Variants in MGST1 observed in about 807,000 individuals in gnomAD.
The protein encoded by MGST1 is glutathione S-transferase 12.
Under a neutral mutation model 8.9 loss-of-function variants are expected in MGST1, and 5 were observed. The observed-to-expected ratio is 0.56, with a 90% CI of 0.29 to 1.19. The LOEUF is 1.19. MGST1 is among the 50% of genes most tolerant of loss of function. MGST1 has a pLI of 0.08. For missense variants in MGST1, 182 were observed against 187.4 expected (o/e 0.97, Z 0.17); for synonymous variants, 54 against 67.8 (o/e 0.80, Z 1.00).
intron 4 of MGST1, among the ~76,000 whole-genome samples, chr12:16,459,915 G>A (rs1941206126): frequency 6.6e-6 from 1 of 152,084 alleles, no homozygotes; most frequent in African/African-American, 2.4e-5. Context: ...CCCACATAGA[G>A]ATATGGAAAA....
rs760593839 is a variant in MGST1 at position 16,503,702 on chromosome 12, G to C, written n.483-85826G>C. ...CTTTCCATAAGACATGTCCAACAGTGTGCCGGGTCAGTTTATCATTGCCGT... is the reference window on the plus strand; with the variant it reads ...CTTTCCATAAGACATGTCCAACAGTCTGCCGGGTCAGTTTATCATTGCCGT... On this transcript the variant is annotated intron_variant and non_coding_transcript_variant, in intron 4 of 4. Coordinates refer to the MGST1 transcript ENST00000538857. This position sits in a 1 kb window ranked among gnomAD's most constrained non-coding sequence, Gnocchi z 4.8. 1.3e-5 allele frequency among the ~76,000 whole-genome samples: 2 copies of C among 152,148 alleles called. No individual in the cohort carries two copies. The highest frequency in any genetic ancestry group is 2.9e-5 in the Non-Finnish European group (2 of 68,030).
In MGST1 at chr12:16,537,769, G is replaced by A. The variant is rs1941764433; in HGVS notation, n.483-51759G>A. ...AACAGCTGGAGCAGCTGGGATGCAG[G>A]GCACCAAGTCCCTAGGCTGCACACA... On this transcript the variant is annotated intron_variant and non_coding_transcript_variant, in intron 4 of 4. Coordinates refer to the MGST1 transcript ENST00000538857. The surrounding 1 kb of genome is among the most constrained non-coding windows in gnomAD (Gnocchi z 4.6). 6.6e-6 allele frequency among the ~76,000 whole-genome samples: 1 copy of A among 152,182 alleles called. No individual in the cohort carries two copies. Among genetic ancestry groups the A allele is most frequent in the African/African-American group, 2.4e-5 (1 of 41,446 alleles).
At chr12:16,542,183 A>G (rs951566903) in intron 4 of MGST1, among the ~76,000 whole-genome samples, 8 of 152,226 alleles carry the variant, frequency 5.3e-5, no homozygotes, top group African/African-American at 1.9e-4. Flanking sequence ...ATTAATTTTC[A>G]TCAATTAAAA....
rs765632006 is a variant in MGST1 at position 16,544,038 on chromosome 12, C to A, written n.483-45490C>A. On this transcript the variant is annotated intron_variant and non_coding_transcript_variant, in intron 4 of 4. Coordinates refer to the MGST1 transcript ENST00000538857. This position sits in a 1 kb window ranked among gnomAD's most constrained non-coding sequence, Gnocchi z 4.8. The stretch of plus-strand genomic sequence containing the variant: ...TGTAAGCAGGTGATTTCTTATACTG[C>A]TGCTTTATACACATTTGTTTGGTCG... Among the ~76,000 whole-genome samples, 1 of 152,060 alleles carries A rather than the reference C, an allele frequency of 6.6e-6. No individual in the cohort carries two copies. Among genetic ancestry groups the A allele is most frequent in the Non-Finnish European group, 1.5e-5 (1 of 67,980 alleles).
chr12:16,487,694 C>A (rs1941408952), intron 4 of MGST1, among the ~76,000 whole-genome samples: 1 of 152,126 alleles, frequency 6.6e-6, no homozygotes, highest in African/African-American at 2.4e-5. Flanking sequence ...GTTGCCCAGG[C>A]TGGAGGGCAG....
rs4149218 is a variant in MGST1 at position 16,362,380 on chromosome 12, G to GTGAGATGTTGTGGCTCACA, written c.222-1414_222-1413insGAGATGTTGTGGCTCACAT. ...GCTGCTGTCCTCTTCATGTCTCTAT[G>GTGAGATGTTGTGGCTCACA]TAGTCATCCTCTTTGTGAGACAAGC... is the stretch of plus-strand genomic sequence containing the variant. On this transcript the variant is annotated intron_variant, in intron 3 of 3. Coordinates refer to ENST00000396210, the MANE Select transcript of MGST1 (RefSeq NM_020300.5). This position sits in a 1 kb window ranked among gnomAD's most constrained non-coding sequence, Gnocchi z 4.4. Among the ~76,000 whole-genome samples, 44,516 of 151,722 alleles carry GTGAGATGTTGTGGCTCACA rather than the reference G, an allele frequency of 0.29. 7,344 individuals are homozygous for GTGAGATGTTGTGGCTCACA. The highest frequency in any genetic ancestry group is 0.66 in the East Asian group (3,375 of 5,112).
chr12:16,377,842 C>G (rs1940405534), downstream of MGST1, among the ~76,000 whole-genome samples: 1 of 150,780 alleles, frequency 6.6e-6, no homozygotes, highest in Non-Finnish European at 1.5e-5. Flanking sequence ...GCCATTCTAA[C>G]TGGTGTGAGA....
chr12:16,494,614 C>G (rs1941458734), intron 4 of MGST1, among the ~76,000 whole-genome samples: 1 of 152,110 alleles, frequency 6.6e-6, no homozygotes, highest in African/African-American at 2.4e-5. Flanking sequence ...CTATGATTGT[C>G]TCCACAGTTC....
At chr12:16,358,459 C>A (rs879624700) in intron 3 of MGST1, among the ~76,000 whole-genome samples, 24 of 151,532 alleles carry the variant, frequency 1.6e-4, no homozygotes, top group Non-Finnish European at 3.1e-4. Flanking sequence ...CTGCAAAGGA[C>A]ATGATTTCAT....
intron 4 of MGST1, among the ~76,000 whole-genome samples, chr12:16,525,976 C>T (rs1171098440): frequency 6.7e-6 from 1 of 149,586 alleles, no homozygotes; most frequent in Non-Finnish European, 1.5e-5. Flanking sequence ...CCTTCGCCCA[C>T]TTTTTGATGG....
At chr12:16,378,040 A>T (rs1179333523), downstream of MGST1, among the ~76,000 whole-genome samples, 2 of 151,574 alleles carry the variant, frequency 1.3e-5, no homozygotes, top group Non-Finnish European at 2.9e-5. Flanking sequence ...TAGATTCTGG[A>T]TATTAGCCCT....
chr12:16,398,763 T>C (rs1022767082), intron 1 of MGST1, among the ~76,000 whole-genome samples: 2 of 152,240 alleles, frequency 1.3e-5, no homozygotes, highest in African/African-American at 4.8e-5. Flanking sequence ...TCAAGTTGTA[T>C]AGTTTATCAC....
rs1940142543 is a variant in MGST1 at position 16,364,340 on chromosome 12, A to T, written c.*299A>T. The T allele has an allele frequency of 3.8e-6, 4 of 1,039,690 alleles. No individual in the cohort carries two copies. The East Asian group carries it at 3.0e-4, about 78-fold the overall frequency. The allele number at this position is 1,039,690 out of a possible 1,614,324, so 64.4% of individuals were successfully genotyped here. A position where few individuals can be genotyped will look rare whatever the true frequency, so the allele number is the denominator to read the frequency against. Reference sequence around the variant, plus strand: ...CACCTCACTTTTGAATCTATAAAAGAATTGCACGTATGAGAAACCTATATT... The same window carrying T: ...CACCTCACTTTTGAATCTATAAAAGTATTGCACGTATGAGAAACCTATATT... On this transcript the variant is annotated 3_prime_UTR_variant, in exon 4 of 4. Transcript: ENST00000396210. This position sits in a 1 kb window ranked among gnomAD's most constrained non-coding sequence, Gnocchi z 5.7.
At chr12:16,447,857 GC>G (rs567259455) in intron 4 of MGST1, among the ~76,000 whole-genome samples, 1 of 151,958 alleles carries the variant, frequency 6.6e-6, no homozygotes, top group Non-Finnish European at 1.5e-5. Flanking sequence ...TTTTCTAGTT[GC>G]TTATGGTAAG....
chr12:16,581,500 C>A (rs937928419), intron 4 of MGST1, among the ~76,000 whole-genome samples: 3 of 152,140 alleles, frequency 2.0e-5, no homozygotes, highest in African/African-American at 7.2e-5. Flanking sequence ...TATTTCTGTC[C>A]ATTTTTTTAA....
At chr12:16,437,634 G>A (rs1020942156) in exon 2 of MGST1, 3 of 151,932 alleles carry the variant, frequency 2.0e-5, no homozygotes, top group Non-Finnish European at 4.4e-5. Context: ...TGTCCAGGGC[G>A]CTTAGCATGG....
At chr12:16,527,256 A>C (rs1282383777) in intron 4 of MGST1, among the ~76,000 whole-genome samples, 48 of 152,164 alleles carry the variant, frequency 3.2e-4, no homozygotes, top group Non-Finnish European at 2.9e-5. Context: ...ACCAAAAAAG[A>C]AAAAGAATAA....
At chr12:16,399,630 G>C in intron 1 of MGST1, 1 of 1,606,882 alleles carries the variant, frequency 6.2e-7, no homozygotes, top group Non-Finnish European at 8.5e-7. Flanking sequence ...CCCTTCTTCA[G>C]CATCACTCCC....
Position 16,400,435 on chromosome 12 carries a change from A to G in MGST1, n.778+16831A>G. 5 of 808,702 alleles carry G rather than the reference A, an allele frequency of 6.2e-6. No homozygotes were observed. In the South Asian group the frequency reaches 6.7e-5, roughly 11 times the overall value. The allele number at this position is 808,702 out of a possible 1,614,324, so 50.1% of individuals were successfully genotyped here. A position where few individuals can be genotyped will look rare whatever the true frequency, so the allele number is the denominator to read the frequency against. On this transcript the variant is annotated intron_variant and non_coding_transcript_variant, in intron 1 of 1. Coordinates refer to the MGST1 transcript ENST00000359720. ...TTGGGCAATATTTGGGCGAATGTAT[A>G]GATCTTTCAGTTTGGAATTACTCCA...
Sources: allele counts gnomAD v4.1 joint callset (sites outside exome capture counted in the v4.1 genomes callset), GRCh38; gene constraint gnomAD v4.1.1; non-coding constraint Gnocchi (gnomAD v3.1); transcripts MANE v1.5; gene names NCBI Gene and HGNC (gene_info 2026-07-23, HGNC 2026-07-21).